The following FBXL13 variants were observed in gnomAD, a reference collection of about 807,000 sequenced individuals.
FBXL13 encodes the protein F-box and leucine-rich repeat protein 13.
In FBXL13, 67 loss-of-function variants were observed where a neutral mutation model predicts 83.6. The observed-to-expected ratio is 0.80, with a 90% CI of 0.66 to 0.98. FBXL13 has a LOEUF of 0.98. Among genes scored for constraint, FBXL13 ranks in the 50% least tolerant of loss-of-function variants. The probability of loss-of-function intolerance (pLI) is 0.00; values close to 1 mark genes in which losing one functional copy is unlikely to be tolerated. For synonymous variants in FBXL13, 272 were observed against 299.5 expected (o/e 0.91, Z 0.95); for missense variants, 822 against 866.5 (o/e 0.95, Z 0.64).
chr7:102,831,285 C>A (rs927076229), intron 18 of FBXL13, among the ~76,000 whole-genome samples: 108 of 152,190 alleles, frequency 7.1e-4, no homozygotes, highest in African/African-American at 2.4e-3. Context: ...TTTTGGCCCT[C>A]ACCTCCACCA....
chr7:103,017,442 C>A (rs998741630), intron 6 of FBXL13, among the ~76,000 whole-genome samples: 3 of 152,234 alleles, frequency 2.0e-5, no homozygotes, highest in Admixed American at 6.5e-5. Flanking sequence ...AGGAATGCAG[C>A]TCCTCGCCAG....
chr7:102,945,352 T>C (rs1372761624), intron 8 of FBXL13, among the ~76,000 whole-genome samples: 1 of 152,196 alleles, frequency 6.6e-6, no homozygotes, highest in Non-Finnish European at 1.5e-5. Context: ...GTTTTTGTTT[T>C]TGTTTTGAGC....
chr7:102,879,441 G>C (rs1472722839), intron 14 of FBXL13, among the ~76,000 whole-genome samples: 1 of 146,506 alleles, frequency 6.8e-6, no homozygotes, highest in African/African-American at 2.5e-5. Flanking sequence ...AGTTAAGGAT[G>C]TGTGTGTGTG....
At chr7:102,887,131 T>C (rs1425786816) in intron 11 of FBXL13, among the ~76,000 whole-genome samples, 2 of 152,198 alleles carry the variant, frequency 1.3e-5, no homozygotes, top group Non-Finnish European at 2.9e-5. Context: ...TATTATTTCA[T>C]GAAGAAAAAG....
At position 102,834,103 on chromosome 7, in the gene FBXL13, AAAG is replaced by A. The variant is rs1426596583; in HGVS notation, c.1720-1132_1720-1130del. Among the ~76,000 whole-genome samples, 186 of 103,024 alleles carry A rather than the reference AAAG, an allele frequency of 1.8e-3. 3 individuals are homozygous for A. The highest frequency in any genetic ancestry group is 5.9e-3 in the African/African-American group (121 of 20,594). 67.6% of individuals were successfully genotyped at this position (103,024 alleles called of 152,430 possible). ...AAGGAAAGAAAAGAAAGAAAGAAAG[AAAG>A]AAAGAAAGAAAGAAAGAAAGAAAGA... On this transcript the variant is annotated intron_variant, in intron 17 of 19. Transcript: ENST00000313221.
chr7:102,935,613 C>T (rs1211736160), intron 8 of FBXL13, among the ~76,000 whole-genome samples: 1 of 152,168 alleles, frequency 6.6e-6, no homozygotes, highest in Non-Finnish European at 1.5e-5. Context: ...AAGATAAAGT[C>T]ATGAGCTAAG....
chr7:102,986,139 G>T (rs993475037), intron 6 of FBXL13, among the ~76,000 whole-genome samples: 1 of 152,070 alleles, frequency 6.6e-6, no homozygotes, highest in African/African-American at 2.4e-5. Context: ...AAGACATTAA[G>T]GTTTATGTGC....
At chr7:102,862,607 T>TA (rs1313646634) in intron 16 of FBXL13, among the ~76,000 whole-genome samples, 1 of 152,218 alleles carries the variant, frequency 6.6e-6, no homozygotes, top group East Asian at 1.9e-4. Flanking sequence ...ACAAATGTGC[T>TA]AATATTCAAG....
At chr7:102,968,204 CAT>C (rs1826202651) in intron 6 of FBXL13, 87 bp from the exon 8 acceptor site, 1 of 802,676 alleles carries the variant, frequency 1.2e-6, no homozygotes, top group Non-Finnish European at 2.1e-6. Context: ...TGTGTGCACA[CAT>C]GTGCGTGCAC....
At position 102,944,566 on chromosome 7, in the gene FBXL13, A is replaced by G. The variant is rs1416029781; in HGVS notation, c.725-12633T>C. 3.1e-6 allele frequency: 5 copies of G among 1,611,350 alleles called. No homozygotes were observed. In the Admixed American group the frequency reaches 8.4e-5, roughly 27 times the overall value. Reference sequence around the variant, plus strand: ...ATGGGAAAAAAAACATAGAGATCACACCGCAAAGAAGCAAAGCGTAATAAT... The same window carrying G: ...ATGGGAAAAAAAACATAGAGATCACGCCGCAAAGAAGCAAAGCGTAATAAT... On this transcript the variant is annotated intron_variant, in intron 8 of 19. Transcript: ENST00000313221.
At chr7:102,898,701 A>T (rs1434400786) in intron 11 of FBXL13, among the ~76,000 whole-genome samples, 1 of 152,180 alleles carries the variant, frequency 6.6e-6, no homozygotes, top group African/African-American at 2.4e-5. Flanking sequence ...AGTAGATTTC[A>T]TCTGGCATCC....
At chr7:103,065,721 G>A (rs536615886) in intron 1 of FBXL13, among the ~76,000 whole-genome samples, 1 of 152,364 alleles carries the variant, frequency 6.6e-6, no homozygotes, top group South Asian at 2.1e-4. Flanking sequence ...CCAAGGCTGA[G>A]ATTCAGAGAA....
intron 2 of FBXL13, among the ~76,000 whole-genome samples, chr7:103,035,695 G>A (rs1356983027): frequency 1.3e-5 from 2 of 152,074 alleles, no homozygotes; most frequent in East Asian, 1.9e-4. Context: ...AGAACCAAAT[G>A]TAAAATAAAT....
intron 8 of FBXL13, among the ~76,000 whole-genome samples, chr7:102,946,139 C>G (rs369215396): frequency 4.2e-4 from 64 of 152,350 alleles, no homozygotes; most frequent in African/African-American, 1.5e-3. Context: ...ACCTCACCCT[C>G]CCAAAGTGCT....
At chr7:102,912,961 T>A in intron 11 of FBXL13, 125 bp downstream of exon 12, 3 of 1,297,430 alleles carry the variant, frequency 2.3e-6, no homozygotes, top group Non-Finnish European at 3.1e-6. Context: ...GCCATGTAAT[T>A]TAAAACCTCT....
At chr7:102,948,196 T>A (rs978510832) in intron 8 of FBXL13, among the ~76,000 whole-genome samples, 1 of 151,986 alleles carries the variant, frequency 6.6e-6, no homozygotes. Context: ...CCCGGGTAGC[T>A]GGGATTACAG....
intron 1 of FBXL13, among the ~76,000 whole-genome samples, chr7:103,071,879 T>C (rs889077879): frequency 2.6e-5 from 4 of 152,112 alleles, no homozygotes; most frequent in Non-Finnish European, 5.9e-5. Flanking sequence ...TAGAAAAGTA[T>C]AAAACCTGCC....
intron 11 of FBXL13, among the ~76,000 whole-genome samples, chr7:102,889,035 T>A (rs1193690741): frequency 6.6e-6 from 1 of 152,216 alleles, no homozygotes; most frequent in Admixed American, 6.5e-5. Flanking sequence ...TAGCATAATG[T>A]CTGGCATGTA....
chr7:102,851,717 T>G (rs1242446776), intron 17 of FBXL13, among the ~76,000 whole-genome samples: 1 of 152,044 alleles, frequency 6.6e-6, no homozygotes, highest in East Asian at 1.9e-4. Context: ...GCTTCCCTTC[T>G]TGTTCAATAC....
Sources: allele counts gnomAD v4.1 joint callset (sites outside exome capture counted in the v4.1 genomes callset), GRCh38; gene constraint gnomAD v4.1.1; transcripts MANE v1.5; gene names NCBI Gene and HGNC (gene_info 2026-07-23, HGNC 2026-07-21).